The following SLC22A31 variants were observed in gnomAD, a reference collection of about 807,000 sequenced individuals.
SLC22A31 encodes putative solute carrier family 22 member 31.
Under a neutral mutation model 27.4 loss-of-function variants are expected in SLC22A31, and 42 were observed. The ratio of observed to expected loss-of-function variants is 1.53; its 90% CI spans 1.20 to 1.98. SLC22A31 has a LOEUF of 1.98. SLC22A31 is among the 30% of genes most tolerant of loss of function. The probability of loss-of-function intolerance (pLI) is 0.00; values close to 1 mark genes in which losing one functional copy is unlikely to be tolerated. For synonymous variants in SLC22A31, 290 were observed against 230.8 expected, an observed-to-expected ratio of 1.26 and a Z score of -2.33; for missense variants, 593 against 479.9, an observed-to-expected ratio of 1.24 and a Z score of -2.20.
At position 89,199,025 on chromosome 16, in the gene SLC22A31, C is replaced by A; in HGVS notation, c.450G>T (p.Trp150Cys). The change falls in exon 4 of 9, where the codon TGG (tryptophan) becomes TGT (cysteine). Residue 150 changes from tryptophan (W) to cysteine (C), a missense_variant and splice_region_variant. Trp to Cys is a radical substitution (Grantham distance 215). Coordinates refer to ENST00000682282, the MANE Select transcript of SLC22A31 (RefSeq NM_001384763.1). Reference sequence around the variant, plus strand: ...GGCCCAGCTCCCACCACACTTACCCCCAAAAGAGCAGCAAGAGTCCACTCA... The same window carrying A: ...GGCCCAGCTCCCACCACACTTACCCACAAAAGAGCAGCAAGAGTCCACTCA... Reference protein sequence around the residue: ...ALMSGLLLLFWGFPALFPESP... With the variant: ...ALMSGLLLLFCGFPALFPESP... The A allele has an allele frequency of 6.5e-7, 1 of 1,535,334 alleles. No homozygotes were observed. The highest frequency in any genetic ancestry group is 8.7e-7 in the Non-Finnish European group (1 of 1,146,574).
rs762781030 is a variant in SLC22A31, at chr16:89,198,529, C to T, written c.620G>A (p.Arg207Gln). The change falls in exon 6 of 9, where the codon CGG (arginine) becomes CAG (glutamine). Residue 207 changes from arginine (R) to glutamine (Q), a missense_variant. Physicochemically the swap from Arg to Gln is conservative, Grantham distance 43. Coordinates refer to ENST00000682282, the MANE Select transcript of SLC22A31 (RefSeq NM_001384763.1). ...LATELTMLSA[R>Q]SPQPRYHSPL... is the part of the protein sequence containing the mutation. ...GGAGTGGTACCGGGGCTGGGGGCTC[C>T]GTGCAGACAGCATGGTCAGCTCTGT... is the stretch of plus-strand genomic sequence containing the variant. 4.0e-6 allele frequency: 6 copies of T among 1,507,436 alleles called. No homozygotes were observed. The highest frequency in any genetic ancestry group is 1.2e-5 in the South Asian group (1 of 80,244). 93.4% of individuals were successfully genotyped at this position (1,507,436 alleles called of 1,614,324 possible).
At position 89,196,128 on chromosome 16, in the gene SLC22A31, G is replaced by A. The variant is rs1915869436; in HGVS notation, c.1212C>T (p.Pro404=). The A allele has an allele frequency of 1.3e-6, 2 of 1,534,770 alleles. No individual in the cohort carries two copies. The highest frequency in any genetic ancestry group is 1.7e-6 in the Non-Finnish European group (2 of 1,146,504). ...GGCGGTCGGCGTCCTGCAGTGACTG[G>A]GGCAGCCCCCGGCTTCGGCTCTCAG... ...LLPESRSRGL[P]QSLQDADRLR... is the part of the protein sequence containing the mutation. The change falls in exon 9 of 9, where the codon CCC becomes CCT. Residue 404 remains proline, a synonymous_variant. Coordinates refer to ENST00000682282, the MANE Select transcript of SLC22A31 (RefSeq NM_001384763.1).
At chr16:89,197,676 T>C (rs1419475537) in intron 7 of SLC22A31, among the ~76,000 whole-genome samples, 9 of 152,218 alleles carry the variant, frequency 5.9e-5, no homozygotes, top group African/African-American at 2.2e-4. Flanking sequence ...GCTACTGCTG[T>C]GCTGTCCACT....
At position 89,198,139 on chromosome 16, in the gene SLC22A31, A is replaced by G. The variant is rs2151611731; in HGVS notation, c.905T>C (p.Leu302Pro). 1 of 1,534,314 alleles carries G rather than the reference A, an allele frequency of 6.5e-7. No homozygotes were observed. Among genetic ancestry groups the G allele is most frequent in the African/African-American group, 1.4e-5 (1 of 73,108 alleles). The change falls in exon 7 of 9, where the codon CTC (leucine) becomes CCC (proline). Residue 302 changes from leucine (L) to proline (P), a missense_variant. By Grantham distance (98) the Leu-to-Pro change is moderately conservative. Coordinates refer to ENST00000682282, the MANE Select transcript of SLC22A31 (RefSeq NM_001384763.1). ...TMVTGLASLL[L>P]LAGAQYLPGW... ...AAGCTCACACTGGGCCCCAGCGAGG[A>G]GCAGCAGGGATGCCAGGCCTGTGAC...
At chr16:89,200,861 C>T (rs988133410), upstream of SLC22A31, among the ~76,000 whole-genome samples, 11 of 152,376 alleles carry the variant, frequency 7.2e-5, no homozygotes, top group Admixed American at 7.2e-4. Flanking sequence ...CCACCTTCCC[C>T]AGTCTGTGCT....
upstream of SLC22A31, chr16:89,201,455 C>T (rs540913455): frequency 6.1e-5 from 24 of 391,024 alleles, no homozygotes; most frequent in African/African-American, 3.9e-4. Flanking sequence ...TGGCGGCGTC[C>T]AGCAGCGCGG....
At position 89,198,733 on chromosome 16, in the gene SLC22A31, T is replaced by A. The variant is rs1465266248; in HGVS notation, c.517A>T (p.Arg173Trp). The A allele has an allele frequency of 6.5e-7, 1 of 1,535,762 alleles. No individual in the cohort carries two copies. Among genetic ancestry groups the A allele is most frequent in the Admixed American group, 2.0e-5 (1 of 50,996 alleles). ...TCTGCAAAGCGCCACAGGATCTTCCTGGCTCGAGCTACCTGACCTGTGGCC... is the reference window on the plus strand; with the variant it reads ...TCTGCAAAGCGCCACAGGATCTTCCAGGCTCGAGCTACCTGACCTGTGGCC... ...LLATGQVARA[R>W]KILWRFAEAS... Residue 173 changes from arginine to tryptophan, a missense_variant, in exon 5 of 9, where the codon AGG (arginine) becomes TGG (tryptophan). Arg to Trp is a moderately radical substitution (Grantham distance 101). Transcript: ENST00000682282.
intron 7 of SLC22A31, among the ~76,000 whole-genome samples, chr16:89,197,727 G>A (rs1374449483): frequency 6.6e-6 from 1 of 152,210 alleles, no homozygotes; most frequent in Non-Finnish European, 1.5e-5. Context: ...TCTCGAATAC[G>A]TTGGAAGCAA....
Position 89,195,920 on chromosome 16 carries a change from A to G in SLC22A31, c.*79T>C. On this transcript the variant is annotated 3_prime_UTR_variant, in exon 9 of 9. Transcript: ENST00000682282. ...TCTGAGAGGAATGTGTCTGCCCTGG[A>G]CCAGACGTCTGGGGTACTCAGCCAT... The G allele has an allele frequency of 7.2e-7, 1 of 1,391,020 alleles. No homozygotes were observed. Among genetic ancestry groups the G allele is most frequent in the Admixed American group, 2.8e-5 (1 of 35,526 alleles). The allele number at this position is 1,391,020 out of a possible 1,614,324, so 86.2% of individuals were successfully genotyped here. A position where few individuals can be genotyped will look rare whatever the true frequency, so the allele number is the denominator to read the frequency against.
At position 89,198,829 on chromosome 16, in the gene SLC22A31, C is replaced by A. The variant is rs1189057743; in HGVS notation, c.453-32G>T. 4 of 1,515,258 alleles carry A rather than the reference C, an allele frequency of 2.6e-6. No homozygotes were observed. The African/African-American group carries it at 5.5e-5, about 21-fold the overall frequency. The allele number at this position is 1,515,258 out of a possible 1,614,324, so 93.9% of individuals were successfully genotyped here. A position where few individuals can be genotyped will look rare whatever the true frequency, so the allele number is the denominator to read the frequency against. ...CGTTGGTGAGGATGCCCACGGCTCC[C>A]TCCACCTCCTCCTGGAAGGAGAGGC... On this transcript the variant is annotated intron_variant, in intron 4 of 8. Coordinates refer to ENST00000682282, the MANE Select transcript of SLC22A31 (RefSeq NM_001384763.1).
rs929794918 is a variant in SLC22A31 at position 89,199,023 on chromosome 16, C to T, written c.452G>A (p.Gly151Glu). Residue 151 changes from glycine (G) to glutamate (E), a missense_variant and splice_region_variant, in exon 4 of 9, where the codon GGG (glycine) becomes GAG (glutamate). Physicochemically the swap from Gly to Glu is moderately conservative, Grantham distance 98. Coordinates refer to ENST00000682282, the MANE Select transcript of SLC22A31 (RefSeq NM_001384763.1). Reference sequence around the variant, plus strand: ...CTGGCCCAGCTCCCACCACACTTACCCCCAAAAGAGCAGCAAGAGTCCACT... The same window carrying T: ...CTGGCCCAGCTCCCACCACACTTACTCCCAAAAGAGCAGCAAGAGTCCACT... The part of the protein sequence containing the change: ...LMSGLLLLFW[G>E]FPALFPESPC... The T allele has an allele frequency of 2.0e-6, 3 of 1,535,132 alleles. No individual in the cohort carries two copies. The highest frequency in any genetic ancestry group is 2.7e-5 in the African/African-American group (2 of 73,014).
At position 89,199,705 on chromosome 16, in the gene SLC22A31, G is replaced by T. The variant is rs757100116; in HGVS notation, c.128+8C>A. ...TGCTGGGCAGCAGGAAAAGGGAAGG[G>T]GCCTCACCGGTCACAGCCTGCTCCC... On this transcript the variant is annotated splice_region_variant and intron_variant, in intron 2 of 8. Transcript: ENST00000682282. The T allele has an allele frequency of 1.2e-5, 5 of 406,390 alleles. No individual in the cohort carries two copies. Among genetic ancestry groups the T allele is most frequent in the Non-Finnish European group, 2.2e-5 (5 of 229,192 alleles). The allele number at this position is 406,390 out of a possible 1,614,324, so 25.2% of individuals were successfully genotyped here.
At chr16:89,201,214 C>T, upstream of SLC22A31, 2 of 371,570 alleles carry the variant, frequency 5.4e-6, no homozygotes, top group African/African-American at 2.1e-5. Context: ...AGGGCCTCGG[C>T]GGGCTGGGGG....
At chr16:89,201,250 A>T (rs1916590058), upstream of SLC22A31, 1 of 365,526 alleles carries the variant, frequency 2.7e-6, no homozygotes, top group African/African-American at 2.1e-5. Context: ...GGCAGCAGGG[A>T]CGGGGGCGCA....
chr16:89,201,191 A>T (rs1916582493), upstream of SLC22A31: 2 of 376,696 alleles, frequency 5.3e-6, no homozygotes, highest in South Asian at 2.6e-4. Flanking sequence ...GGTAGGATGG[A>T]GAAAGGACAC....
rs775271886 is a variant in SLC22A31 at position 89,197,279 on chromosome 16, G to A, written c.1034+19C>T. The A allele has an allele frequency of 2.0e-5, 31 of 1,530,690 alleles. No individual in the cohort carries two copies. Among genetic ancestry groups the A allele is most frequent in the Non-Finnish European group, 2.5e-5 (29 of 1,142,862 alleles). The allele number at this position is 1,530,690 out of a possible 1,614,324, so 94.8% of individuals were successfully genotyped here. A position where few individuals can be genotyped will look rare whatever the true frequency, so the allele number is the denominator to read the frequency against. Reference sequence around the variant, plus strand: ...AGGCCCTGGACCCTGCTGTGTGGCCGGGCAACCCTGAAGCTCACCTGATCA... The same window carrying A: ...AGGCCCTGGACCCTGCTGTGTGGCCAGGCAACCCTGAAGCTCACCTGATCA... On this transcript the variant is annotated intron_variant, in intron 8 of 8. Transcript: ENST00000682282.
chr16:89,200,957 A>G (rs1397095059), upstream of SLC22A31, among the ~76,000 whole-genome samples: 1 of 152,112 alleles, frequency 6.6e-6, no homozygotes, highest in Non-Finnish European at 1.5e-5. Context: ...GTGGTCCTGA[A>G]GCAAATTCCA....
Position 89,196,318 on chromosome 16 carries a change from G to A in SLC22A31, c.1035-13C>T, listed in dbSNP as rs535907037. Reference sequence around the variant, plus strand: ...CAGCCCGGCCCCCCTGTGGGACAGAGTGTGTTGGGGGCAGCCAGCCTCCTG... The same window carrying A: ...CAGCCCGGCCCCCCTGTGGGACAGAATGTGTTGGGGGCAGCCAGCCTCCTG... On this transcript the variant is annotated splice_polypyrimidine_tract_variant and intron_variant, in intron 8 of 8. Coordinates refer to ENST00000682282, the MANE Select transcript of SLC22A31 (RefSeq NM_001384763.1). The A allele has an allele frequency of 1.1e-6, 1 of 930,368 alleles. No homozygotes were observed. The highest frequency in any genetic ancestry group is 1.7e-5 in the African/African-American group (1 of 59,642). The allele number at this position is 930,368 out of a possible 1,614,324, so 57.6% of individuals were successfully genotyped here. A position where few individuals can be genotyped will look rare whatever the true frequency, so the allele number is the denominator to read the frequency against.
chr16:89,196,995 G>A (rs995063295), intron 8 of SLC22A31, among the ~76,000 whole-genome samples: 3 of 150,502 alleles, frequency 2.0e-5, no homozygotes, highest in South Asian at 4.2e-4. Flanking sequence ...TGCTTTCCCC[G>A]AGAATTCTGC....
Sources: allele counts gnomAD v4.1 joint callset (sites outside exome capture counted in the v4.1 genomes callset), GRCh38; gene constraint gnomAD v4.1.1; transcripts MANE v1.5; gene names NCBI Gene and HGNC (gene_info 2026-07-23, HGNC 2026-07-21).